The following DNAI4 variants were observed in gnomAD, a reference collection of about 807,000 sequenced individuals.
DNAI4 encodes the protein WD repeat domain 78.
A neutral mutation model predicts 105.8 loss-of-function variants in DNAI4; 85 were observed. The observed-to-expected ratio is 0.80, with a 90% confidence interval of 0.67 to 0.96. The LOEUF is 0.96. Among genes scored for constraint, DNAI4 ranks in the 40% least tolerant of loss-of-function variants. DNAI4 has a pLI of 0.00. For synonymous variants in DNAI4, 352 were observed against 331.5 expected, an observed-to-expected ratio of 1.06 and a Z score of -0.67; for missense variants, 1,014 against 1,005.6, an observed-to-expected ratio of 1.01 and a Z score of -0.11.
At chr1:66,835,550 C>T in intron 11 of DNAI4, 76 bp downstream of exon 11, 1 of 1,460,484 alleles carries the variant, frequency 6.8e-7, no homozygotes, top group Non-Finnish European at 9.4e-7. Flanking sequence ...AATATTTACT[C>T]AAAACTAAAT....
At chr1:66,814,337 G>A (rs1645468386) in intron 16 of DNAI4, among the ~76,000 whole-genome samples, 157 bp from the exon 17 acceptor site, 1 of 151,986 alleles carries the variant, frequency 6.6e-6, no homozygotes, top group Non-Finnish European at 1.5e-5. Flanking sequence ...AACAGTAATG[G>A]TTATTTCCTA....
intron 7 of DNAI4, among the ~76,000 whole-genome samples, chr1:66,851,522 C>T (rs919411894): frequency 1.3e-5 from 2 of 151,644 alleles, no homozygotes; most frequent in South Asian, 4.2e-4. Flanking sequence ...ATACAACAAA[C>T]CTTGACAAAT....
intron 5 of DNAI4, among the ~76,000 whole-genome samples, chr1:66,874,439 T>C (rs969195240): frequency 6.6e-6 from 1 of 152,138 alleles, no homozygotes. Context: ...AAATTGAAAA[T>C]GATTTATATA....
chr1:66,899,248 C>T (rs1050815621), intron 2 of DNAI4, among the ~76,000 whole-genome samples: 1 of 152,128 alleles, frequency 6.6e-6, no homozygotes, highest in Non-Finnish European at 1.5e-5. Flanking sequence ...GCTTTCTTTA[C>T]TTCTAGCACT....
At chr1:66,834,282 G>A (rs1029478888) in intron 11 of DNAI4, 134 bp from the exon 12 acceptor site, 1 of 616,966 alleles carries the variant, frequency 1.6e-6, no homozygotes, top group African/African-American at 1.9e-5. Flanking sequence ...TTCAAAAATA[G>A]ACTTTTATTT....
intron 13 of DNAI4, among the ~76,000 whole-genome samples, chr1:66,832,521 AG>A (rs1374466135): frequency 6.6e-6 from 1 of 152,146 alleles, no homozygotes; most frequent in Non-Finnish European, 1.5e-5. Flanking sequence ...AGGCTGGGAA[AG>A]GTAGTTGGGG....
At chr1:66,838,482 T>C (rs943373614) in intron 9 of DNAI4, among the ~76,000 whole-genome samples, 2 of 152,228 alleles carry the variant, frequency 1.3e-5, no homozygotes, top group African/African-American at 4.8e-5. Flanking sequence ...AATAAATTGC[T>C]GTTCTTTAAG....
intron 2 of DNAI4, among the ~76,000 whole-genome samples, chr1:66,897,602 C>T (rs920534734): frequency 6.6e-6 from 1 of 152,052 alleles, no homozygotes; most frequent in Admixed American, 6.5e-5. Context: ...CCCTGGGTGC[C>T]CTTCAAGAGC....
intron 10 of DNAI4, among the ~76,000 whole-genome samples, chr1:66,836,188 GAAAGAAAGAA>G (rs1557908076): frequency 3.3e-5 from 2 of 61,486 alleles, no homozygotes; most frequent in African/African-American, 1.1e-4. Context: ...AAGAAAGAAA[GAAAGAAAGAA>G]AGAAAGAAAG....
chr1:66,850,471 C>A (rs1241636888), intron 7 of DNAI4, among the ~76,000 whole-genome samples: 1 of 150,772 alleles, frequency 6.6e-6, no homozygotes, highest in Non-Finnish European at 1.5e-5. Context: ...AAAGGCAGTT[C>A]TCTAAACAGG....
chr1:66,848,128 G>T (rs1646317032), intron 7 of DNAI4: 2 of 447,450 alleles, frequency 4.5e-6, no homozygotes, highest in Admixed American at 4.8e-5. Context: ...AGATGTCACT[G>T]AGCTAAAACC....
At chr1:66,899,564 A>C (rs1387815837) in intron 2 of DNAI4, among the ~76,000 whole-genome samples, 1 of 152,178 alleles carries the variant, frequency 6.6e-6, no homozygotes, top group Non-Finnish European at 1.5e-5. Context: ...TGATGCAAAC[A>C]TTTAAAAATT....
chr1:66,924,472 C>T (rs1650968146), intron 1 of DNAI4, among the ~76,000 whole-genome samples, 190 bp downstream of exon 1: 1 of 152,218 alleles, frequency 6.6e-6, no homozygotes, highest in South Asian at 2.1e-4. Context: ...GCGCCCAGCC[C>T]AGTAGAGATT....
At chr1:66,856,723 T>A (rs1646510152) in intron 7 of DNAI4, among the ~76,000 whole-genome samples, 1 of 151,984 alleles carries the variant, frequency 6.6e-6, no homozygotes, top group Admixed American at 6.6e-5. Flanking sequence ...AACAAAACAT[T>A]TATAAATAAC....
At chr1:66,814,569 T>G (rs12744712) in intron 16 of DNAI4, among the ~76,000 whole-genome samples, 6 of 151,996 alleles carry the variant, frequency 3.9e-5, no homozygotes, top group Admixed American at 6.6e-5. Flanking sequence ...ACGGTTTCAC[T>G]GTGTTAGCTA....
At chr1:66,852,845 G>A (rs1048319251) in intron 7 of DNAI4, among the ~76,000 whole-genome samples, 1 of 152,150 alleles carries the variant, frequency 6.6e-6, no homozygotes, top group Non-Finnish European at 1.5e-5. Flanking sequence ...TGAGATTAGT[G>A]TCCTGAAAAA....
At position 66,814,155 on chromosome 1, in the gene DNAI4, C is replaced by A; in HGVS notation, c.2522G>T (p.Gly841Val). The stretch of plus-strand genomic sequence containing the variant: ...TTATGCTGATTGGTTTGACTTGGAT[C>A]CAAGCAAAGTATCCATTATATCTCC... ...GRGDIMDTLL[G>V]SKSNQSA The change falls in exon 17 of 17, where the codon GGA (glycine) becomes GTA (valine). Residue 841 changes from glycine to valine, a missense_variant. Transcript: ENST00000371026. 6.3e-7 allele frequency: 1 copy of A among 1,589,784 alleles called. No individual in the cohort carries two copies. Among genetic ancestry groups the A allele is most frequent in the South Asian group, 1.1e-5 (1 of 87,842 alleles).
At chr1:66,869,116 AAT>A (rs150114253) in intron 6 of DNAI4, among the ~76,000 whole-genome samples, 150 of 145,496 alleles carry the variant, frequency 1.0e-3, no homozygotes, top group African/African-American at 1.7e-3. Context: ...CCTAGATATG[AAT>A]ATATATATAT....
chr1:66,848,132 T>C, intron 7 of DNAI4: 1 of 450,062 alleles, frequency 2.2e-6, no homozygotes, highest in Non-Finnish European at 4.5e-6. Context: ...GTCACTGAGC[T>C]AAAACCAAGA....
Sources: gnomAD v4.1 joint callset for allele counts (sites outside exome capture counted in the v4.1 genomes callset) on GRCh38, gnomAD v4.1.1 for gene constraint, MANE v1.5 for transcripts, NCBI Gene and HGNC (gene_info 2026-07-23, HGNC 2026-07-21) for gene names.